Variants in STOX2 observed in about 807,000 individuals in gnomAD.
STOX2 encodes storkhead-box protein 2.
Under a neutral mutation model 60.9 loss-of-function variants are expected in STOX2, and 28 were observed. That is an observed-to-expected ratio of 0.46 (90% confidence interval 0.34 to 0.63). The LOEUF (loss-of-function observed/expected upper bound fraction) is 0.63. STOX2 is among the 30% of genes least tolerant of loss of function. STOX2 has a pLI of 0.01. For synonymous variants in STOX2, 472 were observed against 463.9 expected (o/e 1.02, Z -0.22); for missense variants, 1,024 against 1,187.7 (o/e 0.86, Z 2.03).
chr4:183,943,056 C>T (rs964431546), intron 1 of STOX2, among the ~76,000 whole-genome samples: 3 of 152,100 alleles, frequency 2.0e-5, no homozygotes, highest in Non-Finnish European at 2.9e-5. Context: ...AGAAAAGAAA[C>T]CTTGAGATTC....
At chr4:183,940,114 G>T (rs1259591278) in intron 1 of STOX2, among the ~76,000 whole-genome samples, 4 of 152,174 alleles carry the variant, frequency 2.6e-5, no homozygotes, top group Non-Finnish European at 5.9e-5. Context: ...TGCTGGACAG[G>T]CCGGCCTCGA....
At chr4:183,941,640 G>A (rs1306068553) in intron 1 of STOX2, among the ~76,000 whole-genome samples, 1 of 152,048 alleles carries the variant, frequency 6.6e-6, no homozygotes, top group Admixed American at 6.5e-5. Flanking sequence ...GTATACTGGG[G>A]GTATGGCGAT....
rs908939087 is a variant in STOX2 at position 184,020,137 on chromosome 4, T to C, written c.*2853T>C. On this transcript the variant is annotated 3_prime_UTR_variant, in exon 4 of 4. Coordinates refer to ENST00000308497, the MANE Select transcript of STOX2 (RefSeq NM_020225.3). ...ATTTGATGAAATGGCAGCCGTGTGT[T>C]AAAGTGTATCGTTCAGAAGAGCAAA... The C allele has an allele frequency of 6.6e-6, 1 of 152,232 alleles. No homozygotes were observed. The highest frequency in any genetic ancestry group is 1.5e-5 in the Non-Finnish European group (1 of 68,048). The allele number at this position is 152,232 out of a possible 1,614,324, so 9.4% of individuals were successfully genotyped here.
In STOX2 at chr4:183,838,445, A is replaced by G. The variant is rs1461396896; in HGVS notation, c.364+40390A>G. ...TGGGTGTGTCTTGATTTATTATTTC[A>G]TTACTTTTAGATAGTTTTGAGATTT... On this transcript the variant is annotated intron_variant, in intron 1 of 2. Coordinates refer to the STOX2 transcript ENST00000513034. Among the ~76,000 whole-genome samples, 6 of 152,094 alleles carry G rather than the reference A, an allele frequency of 3.9e-5. No individual in the cohort carries two copies. In the East Asian group the frequency reaches 1.2e-3, roughly 29 times the overall value.
rs551843371 is a variant in STOX2 at position 183,951,196 on chromosome 4, C to CA, written c.166+44241dup. Among the ~76,000 whole-genome samples, 45 of 140,692 alleles carry CA rather than the reference C, an allele frequency of 3.2e-4. No individual in the cohort carries two copies. The South Asian group carries it at 7.4e-3, about 23-fold the overall frequency. The allele number at this position is 140,692 out of a possible 152,430, so 92.3% of individuals were successfully genotyped here. ...CGCCACTGCACTCCAGCCTGGGCGA[C>CA]AGAGCGAGACTCCGTCTCAAAAAAA... On this transcript the variant is annotated intron_variant, in intron 1 of 3. Transcript: ENST00000308497.
chr4:183,919,121 C>G (rs543908116), intron 1 of STOX2, among the ~76,000 whole-genome samples: 1 of 152,302 alleles, frequency 6.6e-6, no homozygotes, highest in African/African-American at 2.4e-5. Context: ...CAAGTATTGG[C>G]TTTCTTTAGT....
At chr4:183,864,351 A>G (rs1026857324) in intron 1 of STOX2, among the ~76,000 whole-genome samples, 2 of 152,202 alleles carry the variant, frequency 1.3e-5, no homozygotes, top group African/African-American at 4.8e-5. Context: ...AGTAATCTCT[A>G]TGAAAACAGG....
intron 1 of STOX2, among the ~76,000 whole-genome samples, chr4:183,930,447 C>G (rs972699848): frequency 6.6e-6 from 1 of 152,160 alleles, no homozygotes; most frequent in Admixed American, 6.6e-5. Context: ...TCAAGTGATC[C>G]TCCTGCCTCA....
Position 183,856,669 on chromosome 4 carries a change from G to C in STOX2, c.364+58614G>C, listed in dbSNP as rs1249143833. Among the ~76,000 whole-genome samples, 1 of 152,166 alleles carries C rather than the reference G, an allele frequency of 6.6e-6. No individual in the cohort carries two copies. Among genetic ancestry groups the C allele is most frequent in the Admixed American group, 6.5e-5 (1 of 15,282 alleles). On this transcript the variant is annotated intron_variant, in intron 1 of 2. Transcript: ENST00000513034. This position sits in a 1 kb window ranked among gnomAD's most constrained non-coding sequence, Gnocchi z 4.0. Reference sequence around the variant, plus strand: ...GTTAGCTGTCTCGGACTCGGACCCCGGGGGATGATAGCTCCCTTGCCCAAG... The same window carrying C: ...GTTAGCTGTCTCGGACTCGGACCCCCGGGGATGATAGCTCCCTTGCCCAAG...
intron 1 of STOX2, among the ~76,000 whole-genome samples, chr4:183,805,031 T>C (rs967401706): frequency 6.6e-6 from 1 of 152,228 alleles, no homozygotes; most frequent in African/African-American, 2.4e-5. Flanking sequence ...TGCGACGGGT[T>C]GAAAGTATTT....
intron 1 of STOX2, among the ~76,000 whole-genome samples, chr4:183,888,098 A>G (rs574656681): frequency 3.3e-5 from 5 of 152,092 alleles, no homozygotes; most frequent in African/African-American, 9.7e-5. Flanking sequence ...CAAATATCTT[A>G]GGGCCATGTG....
At chr4:183,966,019 G>C (rs924385510) in intron 1 of STOX2, among the ~76,000 whole-genome samples, 2 of 151,894 alleles carry the variant, frequency 1.3e-5, no homozygotes, top group East Asian at 1.9e-4. Flanking sequence ...TGAGGCACTG[G>C]GGGTATCTAG....
upstream of STOX2, among the ~76,000 whole-genome samples, chr4:183,903,517 G>C (rs529688837): frequency 6.6e-6 from 1 of 152,244 alleles, no homozygotes; most frequent in Admixed American, 6.5e-5. Flanking sequence ...TTTGCTGCAG[G>C]GTCATGTGTG....
At chr4:183,878,563 T>C (rs1376340275) in intron 1 of STOX2, among the ~76,000 whole-genome samples, 1 of 152,134 alleles carries the variant, frequency 6.6e-6, no homozygotes, top group Non-Finnish European at 1.5e-5. Context: ...ATACATGCAA[T>C]CTTGGTGTTG....
intron 1 of STOX2, among the ~76,000 whole-genome samples, chr4:183,816,682 AGT>A (rs1197206516): frequency 6.6e-6 from 1 of 152,224 alleles, no homozygotes; most frequent in Non-Finnish European, 1.5e-5. Flanking sequence ...TAAATGGTGA[AGT>A]GTATTCATTT....
chr4:183,807,175 C>T (rs530593933), intron 1 of STOX2, among the ~76,000 whole-genome samples: 68 of 152,076 alleles, frequency 4.5e-4, no homozygotes, highest in South Asian at 3.7e-3. Flanking sequence ...GGTTTCACCG[C>T]GTTAGCCATG....
chr4:183,948,053 C>A (rs1742946679), intron 1 of STOX2, among the ~76,000 whole-genome samples: 2 of 151,762 alleles, frequency 1.3e-5, no homozygotes, highest in African/African-American at 2.4e-5. Context: ...CCTGTCTCTA[C>A]TAAAAATACA....
chr4:183,965,457 G>T (rs1306355490), intron 1 of STOX2, among the ~76,000 whole-genome samples: 2 of 152,096 alleles, frequency 1.3e-5, no homozygotes, highest in East Asian at 3.9e-4. Context: ...TCACTTTAAT[G>T]GGATATCTTT....
intron 1 of STOX2, among the ~76,000 whole-genome samples, chr4:183,803,246 T>TA (rs1738809057): frequency 1.3e-5 from 2 of 152,236 alleles, no homozygotes; most frequent in Admixed American, 1.3e-4. Context: ...ATGGGAGCTA[T>TA]AAGACGAGAT....
Sources: gnomAD v4.1 joint callset for allele counts (sites outside exome capture counted in the v4.1 genomes callset) on GRCh38, gnomAD v4.1.1 for gene constraint, Gnocchi (gnomAD v3.1) non-coding constraint, MANE v1.5 for transcripts, NCBI Gene and HGNC (gene_info 2026-07-23, HGNC 2026-07-21) for gene names.